Variants in ADGRB3 observed in about 807,000 individuals in gnomAD.
The protein encoded by ADGRB3 is brain-specific angiogenesis inhibitor 3.
Under a neutral mutation model 193.4 loss-of-function variants are expected in ADGRB3, and 37 were observed. That is an observed-to-expected ratio of 0.19 (90% confidence interval 0.15 to 0.25). The LOEUF is 0.25. Among genes scored for constraint, ADGRB3 ranks in the 10% least tolerant of loss-of-function variants. The pLI, the probability that ADGRB3 is intolerant of heterozygous loss-of-function variation, is 1.00. For missense variants in ADGRB3, 1,637 were observed against 1,852.9 expected, an observed-to-expected ratio of 0.88 and a Z score of 2.14; for synonymous variants, 690 against 644.2, an observed-to-expected ratio of 1.07 and a Z score of -1.08.
chr6:68,990,348 C>T (rs1352481099), intron 10 of ADGRB3, among the ~76,000 whole-genome samples: 2 of 152,096 alleles, frequency 1.3e-5, no homozygotes, highest in Admixed American at 1.3e-4. Context: ...TGTATAAAGA[C>T]AACGAATAGT....
chr6:69,351,052 A>G (rs1468083570), intron 26 of ADGRB3, among the ~76,000 whole-genome samples: 2 of 151,430 alleles, frequency 1.3e-5, no homozygotes, highest in Non-Finnish European at 2.9e-5. Flanking sequence ...TTGGACAAAT[A>G]TTTAAGACTA....
At chr6:68,820,274 C>T (rs1220294539) in intron 3 of ADGRB3, among the ~76,000 whole-genome samples, 3 of 152,022 alleles carry the variant, frequency 2.0e-5, no homozygotes, top group Non-Finnish European at 4.4e-5. Flanking sequence ...CTCCCTCCCT[C>T]TCTCCAGCAC....
At chr6:69,028,438 A>G (rs1770502852) in intron 13 of ADGRB3, among the ~76,000 whole-genome samples, 1 of 152,180 alleles carries the variant, frequency 6.6e-6, no homozygotes, top group African/African-American at 2.4e-5. Flanking sequence ...CTTCATCTCT[A>G]CAGCTTTACA....
At chr6:69,180,676 C>T (rs79708294) in intron 17 of ADGRB3, among the ~76,000 whole-genome samples, 3,735 of 152,278 alleles carry the variant, frequency 0.025, 146 homozygotes, top group African/African-American at 0.085. Flanking sequence ...GGAGAAACTG[C>T]AGTTGTAGCA....
intron 3 of ADGRB3, among the ~76,000 whole-genome samples, chr6:68,848,270 C>T (rs867876418): frequency 5.7e-4 from 87 of 152,154 alleles, no homozygotes; most frequent in African/African-American, 2.0e-3. Context: ...TTAATTTTAT[C>T]TTGCACTCTG....
At chr6:69,048,420 TA>T in intron 14 of ADGRB3, 86 bp downstream of exon 14, 1 of 1,312,680 alleles carries the variant, frequency 7.6e-7, no homozygotes. Flanking sequence ...CTTCATACAT[TA>T]AACAGTTTAG....
intron 13 of ADGRB3, among the ~76,000 whole-genome samples, chr6:69,046,033 A>G (rs1771227200): frequency 6.6e-6 from 1 of 152,176 alleles, no homozygotes. Context: ...GGATTTATGA[A>G]TATGGTATTA....
chr6:68,852,015 T>C (rs1768412879), intron 3 of ADGRB3, among the ~76,000 whole-genome samples: 1 of 149,656 alleles, frequency 6.7e-6, no homozygotes, highest in Non-Finnish European at 1.5e-5. Context: ...TCTCTTTATA[T>C]ATTATTCATT....
At chr6:68,890,080 T>A (rs1766030860) in intron 3 of ADGRB3, among the ~76,000 whole-genome samples, 1 of 152,192 alleles carries the variant, frequency 6.6e-6, no homozygotes, top group African/African-American at 2.4e-5. Flanking sequence ...GTACATTGTA[T>A]GATTACCCGA....
intron 17 of ADGRB3, among the ~76,000 whole-genome samples, chr6:69,098,762 C>T (rs1477484527): frequency 6.6e-6 from 1 of 152,134 alleles, no homozygotes; most frequent in East Asian, 1.9e-4. Flanking sequence ...TGAAATAACA[C>T]TGTATTATTA....
chr6:69,313,390 A>C (rs560252285), intron 20 of ADGRB3, among the ~76,000 whole-genome samples: 36 of 151,954 alleles, frequency 2.4e-4, no homozygotes, highest in Non-Finnish European at 4.3e-4. Context: ...TGTTATACCA[A>C]CAAGACCATT....
chr6:68,823,872 C>T (rs1767791370), intron 3 of ADGRB3, among the ~76,000 whole-genome samples: 1 of 152,132 alleles, frequency 6.6e-6, no homozygotes, highest in African/African-American at 2.4e-5. Flanking sequence ...ATAAAAATGT[C>T]ATAGTAATTA....
chr6:68,880,755 A>G (rs1164107165), intron 3 of ADGRB3, among the ~76,000 whole-genome samples: 1 of 128,264 alleles, frequency 7.8e-6, no homozygotes, highest in Non-Finnish European at 1.6e-5. Flanking sequence ...CAACAGAGCT[A>G]TTGTCCCCCA....
intron 17 of ADGRB3, among the ~76,000 whole-genome samples, chr6:69,085,457 C>T (rs1202062871): frequency 6.6e-6 from 1 of 151,948 alleles, no homozygotes; most frequent in Non-Finnish European, 1.5e-5. Flanking sequence ...GGTAACCTCT[C>T]TTAATTTTCT....
chr6:68,988,089 A>G (rs1769130816), intron 10 of ADGRB3, among the ~76,000 whole-genome samples: 1 of 152,156 alleles, frequency 6.6e-6, no homozygotes, highest in Non-Finnish European at 1.5e-5. Flanking sequence ...TTTTAGTTCA[A>G]TTCAGCAAGC....
At chr6:68,997,956 T>C (rs1769439053) in intron 11 of ADGRB3, among the ~76,000 whole-genome samples, 2 of 152,134 alleles carry the variant, frequency 1.3e-5, no homozygotes, top group Admixed American at 1.3e-4. Flanking sequence ...ATGTGAGAGA[T>C]TTATGTAAGT....
At chr6:68,930,835 G>T (rs77603251) in intron 4 of ADGRB3, among the ~76,000 whole-genome samples, 166 bp downstream of exon 4, 4 of 151,980 alleles carry the variant, frequency 2.6e-5, no homozygotes, top group African/African-American at 4.8e-5. Flanking sequence ...GCTGTGAATT[G>T]AAAAGTGCAC....
intron 3 of ADGRB3, among the ~76,000 whole-genome samples, chr6:68,878,019 C>G (rs2150223044): frequency 6.6e-6 from 1 of 152,162 alleles, no homozygotes; most frequent in East Asian, 1.9e-4. Context: ...GAGTGCTTAA[C>G]TTTTACAGAG....
intron 3 of ADGRB3, among the ~76,000 whole-genome samples, chr6:68,826,152 G>A (rs1255281205): frequency 3.9e-5 from 6 of 152,140 alleles, no homozygotes; most frequent in African/African-American, 1.4e-4. Context: ...CTCTTAGAAA[G>A]TCTCCATTTT....
Sources: allele counts gnomAD v4.1 joint callset (sites outside exome capture counted in the v4.1 genomes callset), GRCh38; gene constraint gnomAD v4.1.1; transcripts MANE v1.5; gene names NCBI Gene and HGNC (gene_info 2026-07-23, HGNC 2026-07-21).